ASH1L: variants seen among roughly 807,000 people sequenced by gnomAD.
ASH1L encodes ASH1 like histone lysine methyltransferase, also known as histone-lysine N-methyltransferase ASH1L.
A neutral mutation model predicts 269.0 loss-of-function variants in ASH1L; 23 were observed. The ratio of observed to expected loss-of-function variants is 0.09; its 90% CI spans 0.06 to 0.12. The LOEUF is 0.12. ASH1L is among the 10% of genes least tolerant of loss of function. ASH1L has a pLI of 1.00. For synonymous variants in ASH1L, 1,187 were observed against 1,253.5 expected, an observed-to-expected ratio of 0.95 and a Z score of 1.12; for missense variants, 2,912 against 3,567.8, an observed-to-expected ratio of 0.82 and a Z score of 4.68.
chr1:155,475,522 C>T (rs1017716989), intron 3 of ASH1L, among the ~76,000 whole-genome samples: 25 of 152,146 alleles, frequency 1.6e-4, no homozygotes, highest in African/African-American at 5.8e-4. Context: ...CTTCTGCCAG[C>T]CCTTTAATCT....
Position 155,370,750 on chromosome 1 carries a change from TTAGAGTATCA to T in ASH1L, c.6539+17_6539+26del, listed in dbSNP as rs747258301. On this transcript the variant is annotated intron_variant, in intron 11 of 27. Transcript: ENST00000392403. ...TCTAATCTTATACCTTGGCATTTTA[TTAGAGTATCA>T]TCATTTACCACCGTACCTGAACTCC... 1 of 1,613,848 alleles carries T rather than the reference TTAGAGTATCA, an allele frequency of 6.2e-7. No individual in the cohort carries two copies. The highest frequency in any genetic ancestry group is 1.1e-5 in the South Asian group (1 of 91,070).
At chr1:155,523,424 C>G (rs554807576) in intron 1 of ASH1L, among the ~76,000 whole-genome samples, 1 of 152,070 alleles carries the variant, frequency 6.6e-6, no homozygotes, top group Non-Finnish European at 1.5e-5. Flanking sequence ...CCTTGAAGGT[C>G]GAGGCTGCAG....
intron 1 of ASH1L, among the ~76,000 whole-genome samples, chr1:155,533,155 C>G (rs1261928288): frequency 6.6e-6 from 1 of 151,846 alleles, no homozygotes; most frequent in Admixed American, 6.6e-5. Flanking sequence ...TAAAATCAAC[C>G]AAATTTTTTA....
At position 155,521,102 on chromosome 1, in the gene ASH1L, G is replaced by T. The variant is rs776241230; in HGVS notation, c.418C>A (p.Arg140=). ...DEKNEHCPSK[R]DPSKLYKKAD... is the part of the protein sequence containing the mutation. ...ATATTGTTAGGAATTCTACTTACTC[G>T]TTTTGAAGGACAGTGTTCATTCTTT... Residue 140 remains arginine (R), a splice_region_variant and synonymous_variant, in exon 2 of 28, where the codon CGA becomes AGA. Coordinates refer to ENST00000392403, the MANE Select transcript of ASH1L (RefSeq NM_018489.3). 5.0e-6 allele frequency: 8 copies of T among 1,585,390 alleles called. No individual in the cohort carries two copies. In the African/African-American group the frequency reaches 1.1e-4, roughly 22 times the overall value.
rs1295264024 is a variant in ASH1L at position 155,561,281 on chromosome 1, T to C, written c.-100+872A>G. Among the ~76,000 whole-genome samples, 3 of 148,382 alleles carry C rather than the reference T, an allele frequency of 2.0e-5. No individual in the cohort carries two copies. In the East Asian group the frequency reaches 5.8e-4, roughly 29 times the overall value. ...TTCTTTACAACTTTGTAGTAATGAT[T>C]CTGTTAAAGATATTTTGGCCCTTCA... On this transcript the variant is annotated intron_variant, in intron 1 of 27. Coordinates refer to ENST00000392403, the MANE Select transcript of ASH1L (RefSeq NM_018489.3).
At chr1:155,522,546 G>A (rs1668960209) in intron 1 of ASH1L, among the ~76,000 whole-genome samples, 2 of 152,040 alleles carry the variant, frequency 1.3e-5, no homozygotes, top group Admixed American at 1.3e-4. Flanking sequence ...TACACAAAAT[G>A]TTTTAAAACT....
intron 6 of ASH1L, among the ~76,000 whole-genome samples, chr1:155,412,924 TG>T (rs1659921797): frequency 6.6e-6 from 1 of 151,218 alleles, no homozygotes; most frequent in African/African-American, 2.4e-5. Context: ...TTGAAAAAAA[TG>T]GTTTTTTTTA....
In ASH1L at chr1:155,354,542, T is replaced by A; in HGVS notation, c.7144A>T (p.Asn2382Tyr). The A allele has an allele frequency of 6.2e-7, 1 of 1,613,606 alleles. No homozygotes were observed. ...GTATATAATGATGCTGAGTGAATAT[T>A]ATCACTGGTGTGCTTTACTTCCTCC... is the stretch of plus-strand genomic sequence containing the variant. ...KQEEVKHTSD[N>Y]IHSASLYTRW... Residue 2382 changes from asparagine to tyrosine, a missense_variant, in exon 16 of 28, where the codon AAT becomes TAT. By Grantham distance (143) the Asn-to-Tyr change is moderately radical (BLOSUM62 -2). Transcript: ENST00000392403.
At chr1:155,420,417 T>C (rs1245299987) in intron 5 of ASH1L, among the ~76,000 whole-genome samples, 1 of 147,946 alleles carries the variant, frequency 6.8e-6, no homozygotes, top group Non-Finnish European at 1.5e-5. Flanking sequence ...AATGCTTAGA[T>C]ATAAATCAAA....
chr1:155,441,454 CTTTTTT>C (rs34682576), intron 4 of ASH1L, among the ~76,000 whole-genome samples: 34 of 73,624 alleles, frequency 4.6e-4, no homozygotes, highest in Admixed American at 1.5e-3. Flanking sequence ...ATAAAGAATC[CTTTTTT>C]TTTTTTTTTT....
chr1:155,479,451 G>A lies in ASH1L; in HGVS notation c.3419C>T (p.Ser1140Phe). 1.9e-6 allele frequency: 3 copies of A among 1,614,162 alleles called. No individual in the cohort carries two copies. Among genetic ancestry groups the A allele is most frequent in the Non-Finnish European group, 2.5e-6 (3 of 1,180,028 alleles). ...PSSVPYLHLH[S>F]RQGSMIQTLA... ...AGTCTGAATCATACTGCCCTGTCTG[G>A]AGTGTAAATGCAAATATGGCACTGA... The change falls in exon 3 of 28, where the codon TCC (serine) becomes TTC (phenylalanine). Residue 1140 changes from serine to phenylalanine, a missense_variant. By Grantham distance (155) the Ser-to-Phe change is radical (BLOSUM62 -2). This residue lies in a region of ASH1L where 157 missense variants were observed against 154.6 expected (regional missense o/e 1.02). Coordinates refer to ENST00000392403, the MANE Select transcript of ASH1L (RefSeq NM_018489.3).
intron 2 of ASH1L, among the ~76,000 whole-genome samples, chr1:155,515,409 A>G (rs1668436042): frequency 2.6e-5 from 4 of 152,230 alleles, no homozygotes; most frequent in Non-Finnish European, 4.4e-5. Context: ...TGTTGAATCC[A>G]GAAGCACAGA....
At position 155,516,682 on chromosome 1, in the gene ASH1L, T is replaced by C. The variant is rs527849256; in HGVS notation, c.420+4418A>G. The stretch of plus-strand genomic sequence containing the variant: ...ACAAAAGGAGGCTAAGGCAGGAAGA[T>C]TGCTTGAGTCCAGGAGTTTGGGGCT... On this transcript the variant is annotated intron_variant, in intron 2 of 27. Transcript: ENST00000392403. 5.3e-5 allele frequency among the ~76,000 whole-genome samples: 8 copies of C among 152,100 alleles called. No individual in the cohort carries two copies. The South Asian group carries it at 6.2e-4, about 12-fold the overall frequency.
chr1:155,393,572 T>G (rs568163405), intron 7 of ASH1L, among the ~76,000 whole-genome samples: 26 of 151,650 alleles, frequency 1.7e-4, no homozygotes, highest in African/African-American at 5.3e-4. Flanking sequence ...TTTTTTTTTT[T>G]GAGACTGAGT....
chr1:155,433,251 G>A (rs1405110748), intron 5 of ASH1L: 1 of 1,553,124 alleles, frequency 6.4e-7, no homozygotes, highest in East Asian at 2.4e-5. Context: ...GGGCCAGGGG[G>A]GCCGGAGCCG....
intron 12 of ASH1L, among the ~76,000 whole-genome samples, chr1:155,368,783 T>C (rs1432259217): frequency 6.6e-6 from 1 of 152,240 alleles, no homozygotes; most frequent in East Asian, 1.9e-4. Context: ...TTTGTTCATT[T>C]CATCTAACTT....
At chr1:155,530,358 T>C (rs566828723) in intron 1 of ASH1L, among the ~76,000 whole-genome samples, 9 of 152,296 alleles carry the variant, frequency 5.9e-5, no homozygotes, top group Non-Finnish European at 1.2e-4. Context: ...AGCTGGCATA[T>C]AGTAGGTGTT....
At chr1:155,426,225 C>G (rs1008566678) in intron 5 of ASH1L, among the ~76,000 whole-genome samples, 5 of 151,882 alleles carry the variant, frequency 3.3e-5, no homozygotes, top group Non-Finnish European at 7.4e-5. Context: ...CCATCATGCC[C>G]GGCTAATTTT....
chr1:155,432,575 G>A (rs1451853348), intron 5 of ASH1L, among the ~76,000 whole-genome samples: 3 of 152,074 alleles, frequency 2.0e-5, no homozygotes, highest in Non-Finnish European at 4.4e-5. Context: ...AACTCAGTGT[G>A]TCATGTCCTT....
Sources: gnomAD v4.1 joint callset for allele counts (sites outside exome capture counted in the v4.1 genomes callset) on GRCh38, gnomAD v4.1.1 for gene constraint, gnomAD v4.1.1 regional missense constraint, MANE v1.5 for transcripts, NCBI Gene and HGNC (gene_info 2026-07-23, HGNC 2026-07-21) for gene names.